The following DNAH11 variants were observed in gnomAD, a reference collection of about 807,000 sequenced individuals.
The protein encoded by DNAH11 is axonemal beta dynein heavy chain 11.
In DNAH11, 442 loss-of-function variants were observed where a neutral mutation model predicts 526.0. That is an observed-to-expected ratio of 0.84 (90% confidence interval 0.78 to 0.91). DNAH11 has a LOEUF of 0.91. Ranked by LOEUF, DNAH11 falls within the 40% of genes least tolerant of loss-of-function variation. The pLI, the probability that DNAH11 is intolerant of heterozygous loss-of-function variation, is 0.00. For missense variants in DNAH11, 6,989 were observed against 5,448.7 expected (o/e 1.28, Z -8.90); for synonymous variants, 2,461 against 1,935.9 (o/e 1.27, Z -7.12).
At chr7:21,856,672 T>C (rs1427425156) in intron 68 of DNAH11, among the ~76,000 whole-genome samples, 1 of 152,150 alleles carries the variant, frequency 6.6e-6, no homozygotes, top group Non-Finnish European at 1.5e-5. Context: ...CAAATTGGTT[T>C]AACATTCAAA....
chr7:21,567,167 G>T (rs115032119), intron 6 of DNAH11, among the ~76,000 whole-genome samples: 1,705 of 152,168 alleles, frequency 0.011, 34 homozygotes, highest in African/African-American at 0.039. Context: ...ACTATGACCT[G>T]TCAACTTGGA....
chr7:21,712,493 C>T (rs1784500869), intron 42 of DNAH11, among the ~76,000 whole-genome samples: 2 of 152,210 alleles, frequency 1.3e-5, no homozygotes, highest in Admixed American at 1.3e-4. Flanking sequence ...TTCCCACCAA[C>T]AGTGTACAAG....
chr7:21,857,041 CA>C (rs1396178015), intron 68 of DNAH11, among the ~76,000 whole-genome samples: 5 of 150,988 alleles, frequency 3.3e-5, no homozygotes, highest in Admixed American at 3.3e-4. Context: ...TGTTTTTTCA[CA>C]GATGACCTGA....
intron 29 of DNAH11, among the ~76,000 whole-genome samples, chr7:21,657,153 T>C (rs865775954): frequency 4.6e-5 from 7 of 152,026 alleles, no homozygotes; most frequent in South Asian, 2.1e-4. Context: ...CTTTGTTTTA[T>C]AAAAAGATGC....
intron 65 of DNAH11, among the ~76,000 whole-genome samples, chr7:21,830,461 GT>G (rs1443142972): frequency 6.6e-6 from 1 of 152,166 alleles, no homozygotes; most frequent in African/African-American, 2.4e-5. Context: ...GCAGTCAATT[GT>G]TACTGAGTCG....
chr7:21,696,165 A>G (rs1355463750), intron 35 of DNAH11, among the ~76,000 whole-genome samples: 2 of 152,180 alleles, frequency 1.3e-5, no homozygotes, highest in African/African-American at 4.8e-5. Flanking sequence ...TTCACATATA[A>G]TCTAAGAATG....
intron 54 of DNAH11, among the ~76,000 whole-genome samples, chr7:21,754,484 G>A (rs1339436361): frequency 6.6e-6 from 1 of 151,920 alleles, no homozygotes; most frequent in African/African-American, 2.4e-5. Flanking sequence ...CTCTATTGTT[G>A]TCTAATCCTT....
intron 46 of DNAH11, among the ~76,000 whole-genome samples, chr7:21,737,657 G>A (rs1785675197): frequency 1.3e-5 from 2 of 152,182 alleles, no homozygotes; most frequent in Admixed American, 6.5e-5. Flanking sequence ...ATGACATGAA[G>A]TACCATTTAT....
intron 2 of DNAH11, among the ~76,000 whole-genome samples, chr7:21,556,593 G>A (rs753552366): frequency 7.2e-5 from 11 of 152,108 alleles, no homozygotes; most frequent in Admixed American, 1.3e-4. Flanking sequence ...GTGCATCATG[G>A]GAGTTTGGTA....
At chr7:21,644,582 T>G (rs1787266613) in intron 28 of DNAH11, among the ~76,000 whole-genome samples, 2 of 152,144 alleles carry the variant, frequency 1.3e-5, no homozygotes, top group Non-Finnish European at 2.9e-5. Flanking sequence ...CTCCTGAGTT[T>G]AAGCTGGGGC....
At chr7:21,761,512 T>C (rs1445818929) in intron 54 of DNAH11, among the ~76,000 whole-genome samples, 1 of 152,222 alleles carries the variant, frequency 6.6e-6, no homozygotes, top group Non-Finnish European at 1.5e-5. Context: ...AGTATTGCTG[T>C]AGACAATTTA....
intron 2 of DNAH11, among the ~76,000 whole-genome samples, chr7:21,556,953 C>T (rs912740702): frequency 9.2e-5 from 14 of 151,804 alleles, no homozygotes; most frequent in African/African-American, 1.4e-4. Flanking sequence ...CCTGGCTACT[C>T]GGGAGGCTGA....
chr7:21,872,706 A>G (rs1783549585), intron 73 of DNAH11, among the ~76,000 whole-genome samples: 1 of 152,252 alleles, frequency 6.6e-6, no homozygotes, highest in Non-Finnish European at 1.5e-5. Context: ...CTAGGATTTA[A>G]GGAAAATCAT....
chr7:21,570,867 G>A (rs933455983), intron 7 of DNAH11, among the ~76,000 whole-genome samples: 2 of 143,946 alleles, frequency 1.4e-5, no homozygotes, highest in African/African-American at 5.3e-5. Flanking sequence ...TTTATATGGT[G>A]TCTATTGGCT....
chr7:21,861,705 C>T (rs1399757923), intron 68 of DNAH11, 148 bp from the exon 69 acceptor site: 2 of 641,310 alleles, frequency 3.1e-6, no homozygotes, highest in Non-Finnish European at 5.2e-6. Context: ...GAGCATGTAC[C>T]ATGTGCCAGA....
intron 62 of DNAH11, 63 bp downstream of exon 62, chr7:21,801,338 T>C (rs1788987085): frequency 6.3e-7 from 1 of 1,586,880 alleles, no homozygotes; most frequent in Non-Finnish European, 8.6e-7. Context: ...GGGATTTTAT[T>C]ATTTGCCATC....
intron 79 of DNAH11, among the ~76,000 whole-genome samples, 178 bp downstream of exon 79, chr7:21,895,177 G>T (rs930681077): frequency 4.6e-5 from 7 of 152,144 alleles, no homozygotes; most frequent in Non-Finnish European, 7.3e-5. Context: ...TGCATCAAAG[G>T]CAAAAATAGT....
chr7:21,861,798 G>A (rs1583784643), intron 68 of DNAH11, 55 bp from the exon 69 acceptor site: 1 of 1,598,148 alleles, frequency 6.3e-7, no homozygotes, highest in Non-Finnish European at 8.5e-7. Flanking sequence ...ATCGGGGGTA[G>A]CTAGACATCC....
At chr7:21,653,812 C>CT (rs1177733170) in intron 28 of DNAH11, among the ~76,000 whole-genome samples, 1 of 152,168 alleles carries the variant, frequency 6.6e-6, no homozygotes, top group Non-Finnish European at 1.5e-5. Flanking sequence ...TTCTTTGATA[C>CT]TAAAACTGCA....
Sources: gnomAD v4.1 joint callset for allele counts (sites outside exome capture counted in the v4.1 genomes callset) on GRCh38, gnomAD v4.1.1 for gene constraint, MANE v1.5 for transcripts, NCBI Gene and HGNC (gene_info 2026-07-23, HGNC 2026-07-21) for gene names.